UBE2E2: variants seen among roughly 807,000 people sequenced by gnomAD.
The protein encoded by UBE2E2 is ubiquitin-conjugating enzyme E2 E2.
In UBE2E2, 6 loss-of-function variants were observed where a neutral mutation model predicts 24.7. The observed-to-expected ratio is 0.24, with a 90% CI of 0.13 to 0.48. The LOEUF (loss-of-function observed/expected upper bound fraction) is 0.48. UBE2E2 is among the 20% of genes least tolerant of loss of function. The pLI, the probability that UBE2E2 is intolerant of heterozygous loss-of-function variation, is 0.99. For synonymous variants in UBE2E2, 104 were observed against 83.6 expected, an observed-to-expected ratio of 1.24 and a Z score of -1.33; for missense variants, 169 against 245.0, an observed-to-expected ratio of 0.69 and a Z score of 2.07.
At chr3:23,540,034 G>A (rs1222411144) in intron 5 of UBE2E2, among the ~76,000 whole-genome samples, 1 of 151,854 alleles carries the variant, frequency 6.6e-6, no homozygotes, top group South Asian at 2.1e-4. Context: ...TATTTAGTAA[G>A]GTTTAGGAAT....
At chr3:23,257,525 CCCCACTTT>C (rs1415417459) in intron 3 of UBE2E2, among the ~76,000 whole-genome samples, 1 of 30,216 alleles carries the variant, frequency 3.3e-5, no homozygotes, top group Admixed American at 3.8e-4. Context: ...CCCCCCCCCC[CCCCACTTT>C]TTTTTTTTTT....
intron 3 of UBE2E2, among the ~76,000 whole-genome samples, chr3:23,248,406 A>C (rs1214535035): frequency 6.6e-6 from 1 of 152,250 alleles, no homozygotes; most frequent in Non-Finnish European, 1.5e-5. Flanking sequence ...TTAGGCGATC[A>C]GGTGGAATTT....
intron 3 of UBE2E2, among the ~76,000 whole-genome samples, chr3:23,410,806 A>G (rs1436327962): frequency 1.3e-5 from 2 of 152,158 alleles, no homozygotes; most frequent in African/African-American, 2.4e-5. Flanking sequence ...TTAACAAGCA[A>G]TTCTGTCTGA....
At chr3:23,316,186 A>G (rs1265505040) in intron 3 of UBE2E2, among the ~76,000 whole-genome samples, 3 of 152,048 alleles carry the variant, frequency 2.0e-5, no homozygotes, top group Non-Finnish European at 4.4e-5. Context: ...GGCAAAACCA[A>G]CCAGGCTTCA....
intron 3 of UBE2E2, among the ~76,000 whole-genome samples, chr3:23,294,351 G>A (rs1698850382): frequency 6.6e-6 from 1 of 151,888 alleles, no homozygotes; most frequent in Admixed American, 6.6e-5. Context: ...TTGTATATAT[G>A]GTCAGTTAGT....
intron 5 of UBE2E2, among the ~76,000 whole-genome samples, chr3:23,582,867 G>A (rs376222241): frequency 3.0e-5 from 4 of 132,698 alleles, no homozygotes; most frequent in African/African-American, 1.3e-4. Context: ...TTGAGTGTGT[G>A]TGTGTGTGTG....
chr3:23,221,887 A>C (rs1209091862), intron 3 of UBE2E2, among the ~76,000 whole-genome samples: 1 of 152,148 alleles, frequency 6.6e-6, no homozygotes, highest in Non-Finnish European at 1.5e-5. Context: ...TTCTTTTTTA[A>C]AAATATTTTT....
intron 3 of UBE2E2, among the ~76,000 whole-genome samples, chr3:23,400,143 A>T (rs1238918834): frequency 6.6e-6 from 1 of 152,190 alleles, no homozygotes; most frequent in Non-Finnish European, 1.5e-5. Context: ...CCATTAATGT[A>T]GTTTCACAGG....
chr3:23,299,202 C>G (rs139104759), intron 3 of UBE2E2, among the ~76,000 whole-genome samples: 4,372 of 152,266 alleles, frequency 0.029, 109 homozygotes, highest in East Asian at 0.13. Flanking sequence ...TGCTGGCGGT[C>G]TATCAATTTT....
chr3:23,354,390 A>G (rs899855075), intron 3 of UBE2E2, among the ~76,000 whole-genome samples: 10 of 152,326 alleles, frequency 6.6e-5, no homozygotes, highest in African/African-American at 1.9e-4. Context: ...GACAAATGGG[A>G]TCTAATTAAA....
At chr3:23,508,981 T>C (rs931660904) in intron 4 of UBE2E2, among the ~76,000 whole-genome samples, 3 of 152,150 alleles carry the variant, frequency 2.0e-5, no homozygotes, top group African/African-American at 7.2e-5. Context: ...ATGACACAAG[T>C]GATACCCTCC....
intron 3 of UBE2E2, among the ~76,000 whole-genome samples, chr3:23,398,127 A>G (rs1697124078): frequency 6.6e-6 from 1 of 152,090 alleles, no homozygotes; most frequent in African/African-American, 2.4e-5. Flanking sequence ...AGCCTGGCCA[A>G]CATGGTGAAA....
At chr3:23,512,619 A>C (rs188665249) in intron 4 of UBE2E2, among the ~76,000 whole-genome samples, 1 of 152,102 alleles carries the variant, frequency 6.6e-6, no homozygotes, top group Admixed American at 6.5e-5. Flanking sequence ...AGGTTAAATA[A>C]GATTTTTTGT....
intron 3 of UBE2E2, among the ~76,000 whole-genome samples, chr3:23,381,725 A>G (rs746156171): frequency 5.3e-5 from 8 of 152,250 alleles, no homozygotes; most frequent in Non-Finnish European, 1.2e-4. Context: ...TTTTCTGTCA[A>G]TGAGAATTAC....
intron 3 of UBE2E2, among the ~76,000 whole-genome samples, chr3:23,447,936 C>G (rs1559386631): frequency 6.6e-6 from 1 of 152,108 alleles, no homozygotes; most frequent in Non-Finnish European, 1.5e-5. Flanking sequence ...TTCCTTTCTG[C>G]AGGCCAAAAC....
chr3:23,546,521 T>A (rs1287785264), intron 5 of UBE2E2, among the ~76,000 whole-genome samples: 1 of 142,630 alleles, frequency 7.0e-6, no homozygotes, highest in East Asian at 2.2e-4. Context: ...TTGCCCAGGC[T>A]GGAGTGCAAT....
intron 3 of UBE2E2, among the ~76,000 whole-genome samples, chr3:23,350,109 G>C (rs1018802369): frequency 1.1e-4 from 16 of 152,220 alleles, no homozygotes; most frequent in Non-Finnish European, 2.1e-4. Context: ...CACCACTGCT[G>C]ATACCCAGGC....
chr3:23,327,066 T>C (rs1470785985), intron 3 of UBE2E2, among the ~76,000 whole-genome samples: 1 of 152,256 alleles, frequency 6.6e-6, no homozygotes, highest in Admixed American at 6.5e-5. Flanking sequence ...CTTAATCCAG[T>C]CTGTCATTGT....
intron 3 of UBE2E2, among the ~76,000 whole-genome samples, chr3:23,242,950 T>G (rs59429714): frequency 0.59 from 90,026 of 151,638 alleles, 27,202 homozygotes; most frequent in South Asian, 0.68. Flanking sequence ...GGTGGGTGTG[T>G]TGGCTTATGC....
Sources: allele counts gnomAD v4.1 joint callset (sites outside exome capture counted in the v4.1 genomes callset), GRCh38; gene constraint gnomAD v4.1.1; transcripts MANE v1.5; gene names NCBI Gene and HGNC (gene_info 2026-07-23, HGNC 2026-07-21).